Variants in OSBP2 observed in about 807,000 individuals in gnomAD.
OSBP2 encodes the protein oxysterol binding protein 2, also known as oxysterol-binding protein 2.
In OSBP2, 66 loss-of-function variants were observed where a neutral mutation model predicts 96.0. That is an observed-to-expected ratio of 0.69 (90% confidence interval 0.56 to 0.84). The LOEUF is 0.84. Ranked by LOEUF, OSBP2 falls within the 40% of genes least tolerant of loss-of-function variation. The pLI is 0.00. For missense variants in OSBP2, 1,038 were observed against 1,222.7 expected (o/e 0.85, Z 2.25); for synonymous variants, 525 against 520.9 (o/e 1.01, Z -0.11).
chr22:30,819,915 C>T (rs1025764831), intron 2 of OSBP2, among the ~76,000 whole-genome samples: 3 of 152,226 alleles, frequency 2.0e-5, no homozygotes, highest in African/African-American at 4.8e-5. Flanking sequence ...CCCTCCTCTT[C>T]TTCAGCCTTT....
intron 3 of OSBP2, among the ~76,000 whole-genome samples, chr22:30,886,324 T>G (rs2039808500): frequency 6.6e-6 from 1 of 152,170 alleles, no homozygotes; most frequent in South Asian, 2.1e-4. Flanking sequence ...TTGGTTGAGT[T>G]GTCTAAAGAC....
At chr22:30,834,474 A>T (rs909048989) in intron 2 of OSBP2, among the ~76,000 whole-genome samples, 3 of 152,340 alleles carry the variant, frequency 2.0e-5, no homozygotes, top group Middle Eastern at 3.4e-3. Flanking sequence ...TTAGGATTCC[A>T]GTTCCTCTAA....
At chr22:30,836,977 A>C (rs898115030) in intron 2 of OSBP2, among the ~76,000 whole-genome samples, 5 of 152,142 alleles carry the variant, frequency 3.3e-5, no homozygotes, top group African/African-American at 9.7e-5. Flanking sequence ...AAGATGATAA[A>C]AAGTGGCTCA....
rs1228654999 is a variant in OSBP2, at chr22:30,701,344, CTTTTTTTTTT to C, written c.644+5799_644+5808del. ...TTTTTTTCTTTTTTCTTTTTCTTTT[CTTTTTTTTTT>C]TTTTTTTGAGACAGAGTCTCGCTCT... On this transcript the variant is annotated intron_variant, in intron 1 of 13. Coordinates refer to ENST00000332585, the MANE Select transcript of OSBP2 (RefSeq NM_030758.4). 3.1e-5 allele frequency among the ~76,000 whole-genome samples: 4 copies of C among 127,960 alleles called. No homozygotes were observed. The Admixed American group carries it at 3.6e-4, about 11-fold the overall frequency. The allele number at this position is 127,960 out of a possible 152,430, so 83.9% of individuals were successfully genotyped here.
In OSBP2 at chr22:30,904,187, G is replaced by A. The variant is rs547828054; in HGVS notation, c.2376-1650G>A. ...GGGTGATGGCAGGGCAGCCTGGGGCGCCCAGTGTAGTGTGCTTAGTAATTG... is the reference window on the plus strand; with the variant it reads ...GGGTGATGGCAGGGCAGCCTGGGGCACCCAGTGTAGTGTGCTTAGTAATTG... On this transcript the variant is annotated intron_variant, in intron 12 of 13. Coordinates refer to ENST00000332585, the MANE Select transcript of OSBP2 (RefSeq NM_030758.4). Among the ~76,000 whole-genome samples the A allele has an allele frequency of 1.7e-3, 258 of 152,300 alleles. 1 individual carries two copies. The highest frequency in any genetic ancestry group is 5.8e-3 in the African/African-American group (242 of 41,562).
At chr22:30,704,874 C>G (rs947512031) in intron 1 of OSBP2, among the ~76,000 whole-genome samples, 1 of 152,138 alleles carries the variant, frequency 6.6e-6, no homozygotes, top group Non-Finnish European at 1.5e-5. Flanking sequence ...GCCAAAGGCC[C>G]CTTGGAAGCA....
intron 1 of OSBP2, among the ~76,000 whole-genome samples, chr22:30,701,641 C>T (rs992541904): frequency 6.6e-6 from 1 of 152,154 alleles, no homozygotes; most frequent in Non-Finnish European, 1.5e-5. Context: ...CCACGCCCAG[C>T]CTTCAATGTC....
At chr22:30,811,441 G>A (rs2091005796) in intron 2 of OSBP2, among the ~76,000 whole-genome samples, 2 of 151,176 alleles carry the variant, frequency 1.3e-5, no homozygotes, top group Admixed American at 6.6e-5. Context: ...TGCCTCCCAG[G>A]TTCAAGAGAT....
chr22:30,769,823 C>T (rs58922136), intron 2 of OSBP2, among the ~76,000 whole-genome samples: 6,994 of 152,138 alleles, frequency 0.046, 551 homozygotes, highest in African/African-American at 0.16. Context: ...TGTGGGATGT[C>T]TTCTACCCAC....
In OSBP2 at chr22:30,797,650, G is replaced by A. The variant is rs2090783825; in HGVS notation, c.853+56281G>A. Among the ~76,000 whole-genome samples, 3 of 151,414 alleles carry A rather than the reference G, an allele frequency of 2.0e-5. No homozygotes were observed. The South Asian group carries it at 6.3e-4, about 32-fold the overall frequency. ...GCTCTCACCCAGGCTGGAGTGCAGT[G>A]GCACAATCAAGGCTCACTGCAGCCT... On this transcript the variant is annotated intron_variant, in intron 2 of 13. Transcript: ENST00000332585.
intron 2 of OSBP2, among the ~76,000 whole-genome samples, chr22:30,754,904 A>G (rs981584890): frequency 3.3e-5 from 5 of 151,896 alleles, no homozygotes; most frequent in Non-Finnish European, 5.9e-5. Flanking sequence ...TGCTGACTAC[A>G]TCTTCCTGTC....
chr22:30,769,511 T>G (rs1164176743), intron 2 of OSBP2, among the ~76,000 whole-genome samples: 1 of 152,038 alleles, frequency 6.6e-6, no homozygotes, highest in Non-Finnish European at 1.5e-5. Flanking sequence ...TAGCTGGGTG[T>G]GGTGGCACGC....
chr22:30,907,040 G>A lies in OSBP2; in HGVS notation c.*701G>A, dbSNP rs2040349070. On this transcript the variant is annotated 3_prime_UTR_variant, in exon 14 of 14. Coordinates refer to ENST00000332585, the MANE Select transcript of OSBP2 (RefSeq NM_030758.4). ...CACAGATGCAGGAGGGGGTACTGAT[G>A]GTAACCCCCATGTGGATTTGAGGGC... 1 of 152,564 alleles carries A rather than the reference G, an allele frequency of 6.6e-6. No homozygotes were observed. Among genetic ancestry groups the A allele is most frequent in the South Asian group, 2.1e-4 (1 of 4,824 alleles). The allele number at this position is 152,564 out of a possible 1,614,324, so 9.5% of individuals were successfully genotyped here. A position where few individuals can be genotyped will look rare whatever the true frequency, so the allele number is the denominator to read the frequency against.
chr22:30,823,290 G>A (rs1010878568), intron 2 of OSBP2, among the ~76,000 whole-genome samples: 1 of 152,352 alleles, frequency 6.6e-6, no homozygotes, highest in African/African-American at 2.4e-5. Context: ...GAAAACCTTA[G>A]CTGTCTTAAA....
At chr22:30,873,763 G>T (rs2039513143) in intron 3 of OSBP2, among the ~76,000 whole-genome samples, 2 of 152,350 alleles carry the variant, frequency 1.3e-5, no homozygotes, top group South Asian at 4.1e-4. Flanking sequence ...CTCTGATTGA[G>T]CCGGATCGTA....
At chr22:30,815,113 C>T (rs1289560249) in intron 2 of OSBP2, among the ~76,000 whole-genome samples, 1 of 152,142 alleles carries the variant, frequency 6.6e-6, no homozygotes, top group African/African-American at 2.4e-5. Context: ...GAAACCCCAT[C>T]TCTACAAAAA....
At chr22:30,798,565 T>C (rs535760141) in intron 2 of OSBP2, among the ~76,000 whole-genome samples, 2 of 152,376 alleles carry the variant, frequency 1.3e-5, no homozygotes, top group Non-Finnish European at 2.9e-5. Context: ...AGCTCTCACA[T>C]TTCAGTCTTT....
Position 30,890,997 on chromosome 22 carries a change from G to C in OSBP2, c.1869+24G>C. 6.3e-7 allele frequency: 1 copy of C among 1,593,542 alleles called. No individual in the cohort carries two copies. Among genetic ancestry groups the C allele is most frequent in the Non-Finnish European group, 8.5e-7 (1 of 1,174,352 alleles). On this transcript the variant is annotated intron_variant, in intron 8 of 13. Coordinates refer to ENST00000332585, the MANE Select transcript of OSBP2 (RefSeq NM_030758.4). The surrounding 1 kb of genome is among the most constrained non-coding windows in gnomAD (Gnocchi z 4.4). ...AGGTGAGGGGGCTAGGCTGGCACTG[G>C]GTGGCGCCCACCCACACTCTGGCCA...
chr22:30,902,271 T>C (rs1460362698), intron 12 of OSBP2: 20 of 1,588,476 alleles, frequency 1.3e-5, no homozygotes, highest in Admixed American at 6.7e-5. Context: ...CAGGGCGACA[T>C]AGATGCTATC....
Sources: allele counts gnomAD v4.1 joint callset (sites outside exome capture counted in the v4.1 genomes callset), GRCh38; gene constraint gnomAD v4.1.1; non-coding constraint Gnocchi (gnomAD v3.1); transcripts MANE v1.5; gene names NCBI Gene and HGNC (gene_info 2026-07-23, HGNC 2026-07-21).